The following GRHL3 variants were observed in gnomAD, a reference collection of about 807,000 sequenced individuals.
GRHL3 encodes the protein grainyhead like transcription factor 3.
A neutral mutation model predicts 70.3 loss-of-function variants in GRHL3; 20 were observed. The observed-to-expected ratio is 0.28, with a 90% CI of 0.20 to 0.41. GRHL3 has a LOEUF of 0.41. GRHL3 is among the 10% of genes least tolerant of loss of function. GRHL3 has a pLI of 1.00. For missense variants in GRHL3, 637 were observed against 762.3 expected (o/e 0.84, Z 1.94); for synonymous variants, 299 against 299.9 (o/e 1.00, Z 0.03).
rs1490859889 is a variant in GRHL3 at position 24,322,987 on chromosome 1, G to A, written c.17+3419G>A. ...GGGATCTTAACCGGGTCTTAGCCGA[G>A]CAGCCATAGGCCACCCCGCTTCCTC... On this transcript the variant is annotated intron_variant, in intron 1 of 15. Coordinates refer to ENST00000361548, the MANE Select transcript of GRHL3 (RefSeq NM_198173.3). The surrounding 1 kb of genome is among the most constrained non-coding windows in gnomAD (Gnocchi z 4.4). The A allele has an allele frequency of 9.0e-7, 1 of 1,115,730 alleles. No individual in the cohort carries two copies. Among genetic ancestry groups the A allele is most frequent in the Non-Finnish European group, 1.3e-6 (1 of 757,886 alleles). The allele number at this position is 1,115,730 out of a possible 1,614,324, so 69.1% of individuals were successfully genotyped here.
downstream of GRHL3, among the ~76,000 whole-genome samples, chr1:24,355,847 T>C (rs577372808): frequency 5.3e-5 from 8 of 152,264 alleles, no homozygotes; most frequent in African/African-American, 1.7e-4. Context: ...AAGGCCTTTA[T>C]TTTCCTTAGA....
In GRHL3 at chr1:24,354,218, C is replaced by T. The variant is rs74062167; in HGVS notation, c.1695-156C>T. Among the ~76,000 whole-genome samples, 2,352 of 152,118 alleles carry T rather than the reference C, an allele frequency of 0.015. 75 individuals carry two copies. Among genetic ancestry groups the T allele is most frequent in the African/African-American group, 0.053 (2,193 of 41,460 alleles). On this transcript the variant is annotated intron_variant, in intron 15 of 15. Transcript: ENST00000361548. ...AAAGGAGACTGTGACTCCCTCACCT[C>T]GTGGGGTTGTTGTGAGGATCAGAGG...
chr1:24,325,011 G>A (rs1352498129), intron 1 of GRHL3, among the ~76,000 whole-genome samples: 3 of 152,200 alleles, frequency 2.0e-5, no homozygotes, highest in African/African-American at 7.2e-5. Flanking sequence ...TCGTGCCCAG[G>A]GAACATCGTG....
Position 24,337,753 on chromosome 1 carries a change from T to G in GRHL3, c.804T>G (p.Gly268=). The G allele has an allele frequency of 6.2e-7, 1 of 1,614,206 alleles. No homozygotes were observed. Among genetic ancestry groups the G allele is most frequent in the East Asian group, 2.2e-5 (1 of 44,874 alleles). Residue 268 remains glycine (G), a synonymous_variant, in exon 6 of 16, where the codon GGT becomes GGG. Coordinates refer to ENST00000361548, the MANE Select transcript of GRHL3 (RefSeq NM_198173.3). ...FYPVTLRTPA[G]GKGLALSSNK... ...CCGTCACCCTGCGGACCCCAGCAGG[T>G]GGCAAAGGCCTTGCCTTGTCCTCCA...
chr1:24,339,957 C>T (rs1639974848), intron 8 of GRHL3, among the ~76,000 whole-genome samples, 195 bp downstream of exon 8: 2 of 152,214 alleles, frequency 1.3e-5, no homozygotes, highest in Non-Finnish European at 2.9e-5. Flanking sequence ...ACCCTTCCAC[C>T]TATTGGTCCA....
intron 1 of GRHL3, chr1:24,323,243 G>T (rs1303380069): frequency 1.5e-6 from 1 of 676,810 alleles, no homozygotes; most frequent in African/African-American, 1.8e-5. Context: ...TCAAACTGTG[G>T]TCCGTGGACC....
intron 15 of GRHL3, among the ~76,000 whole-genome samples, chr1:24,353,371 G>A (rs1188807788): frequency 6.6e-6 from 1 of 152,096 alleles, no homozygotes; most frequent in African/African-American, 2.4e-5. Flanking sequence ...ATGACGGCAG[G>A]TGGGCAGGTG....
intron 15 of GRHL3, 107 bp from the exon 16 acceptor site, chr1:24,354,267 T>C (rs1640628428): frequency 1.3e-5 from 9 of 696,736 alleles, no homozygotes; most frequent in Middle Eastern, 4.9e-4. Context: ...GTGCCTAAAA[T>C]GTGGCAGGTA....
chr1:24,355,490 C>T (rs866592503), downstream of GRHL3, among the ~76,000 whole-genome samples: 7 of 152,106 alleles, frequency 4.6e-5, no homozygotes, highest in African/African-American at 1.4e-4. Context: ...AGAGGTGCCC[C>T]CTCTGGAAGG....
At position 24,337,688 on chromosome 1, in the gene GRHL3, G is replaced by A. The variant is rs1399079412; in HGVS notation, c.739G>A (p.Glu247Lys). ...SPKAIHIKSG[E>K]SPMAYLNKGQ... ...CAAAGCCATCCACATCAAGTCAGGC[G>A]AGTCACCCATGGCCTACCTCAACAA... Residue 247 changes from glutamate (E) to lysine (K), a missense_variant, in exon 6 of 16, where the codon GAG (glutamate) becomes AAG (lysine). Glu to Lys is a moderately conservative substitution (Grantham distance 56). Transcript: ENST00000361548. 41 of 1,614,028 alleles carry A rather than the reference G, an allele frequency of 2.5e-5. No individual in the cohort carries two copies. The highest frequency in any genetic ancestry group is 4.4e-5 in the South Asian group (4 of 91,084).
At position 24,319,561 on chromosome 1, in the gene GRHL3, G is replaced by C; in HGVS notation, c.10G>C (p.Glu4Gln). The change falls in exon 1 of 16, where the codon GAA (glutamate) becomes CAA (glutamine). Residue 4 changes from glutamate (E) to glutamine (Q), a missense_variant. Physicochemically the swap from Glu to Gln is conservative, Grantham distance 29. Around this residue, in one of 2 missense-constraint regions of GRHL3, gnomAD observed 250 missense variants for 248.6 expected, o/e 1.01. Coordinates refer to ENST00000361548, the MANE Select transcript of GRHL3 (RefSeq NM_198173.3). MSN[E>Q]LDFRSVRLLK... ...GCTTGGGAGCAGGAAGATGTCGAAT[G>C]AACTTGAGTGAGTAAACATCGGTGG... is the stretch of plus-strand genomic sequence containing the variant. 1.2e-6 allele frequency: 2 copies of C among 1,613,898 alleles called. No homozygotes were observed. Among genetic ancestry groups the C allele is most frequent in the Non-Finnish European group, 1.7e-6 (2 of 1,179,894 alleles).
At chr1:24,319,637 G>A in intron 1 of GRHL3, 69 bp downstream of exon 1, 1 of 1,612,464 alleles carries the variant, frequency 6.2e-7, no homozygotes, top group Non-Finnish European at 8.5e-7. Context: ...CCTGGAGGGG[G>A]AAGAGCGGGG....
In GRHL3 at chr1:24,360,546, T is replaced by C. The variant is rs189881260; in HGVS notation, c.1695-3639T>C. 2.4e-4 allele frequency among the ~76,000 whole-genome samples: 37 copies of C among 152,328 alleles called. No individual in the cohort carries two copies. The East Asian group carries it at 3.1e-3, about 13-fold the overall frequency. On this transcript the variant is annotated intron_variant, in intron 15 of 15. Transcript: ENST00000350501. ...CTCCTTTCCCAGAAAATAATGTCTA[T>C]ATGTGCCAATTCTTCAGCCAACTGC...
chr1:24,350,573 G>A (rs1367732299), intron 15 of GRHL3, among the ~76,000 whole-genome samples: 1 of 152,208 alleles, frequency 6.6e-6, no homozygotes. Flanking sequence ...GGAAACTGAG[G>A]CTCAGAGGTA....
chr1:24,323,143 TTG>T, intron 1 of GRHL3: 2 of 1,421,838 alleles, frequency 1.4e-6, no homozygotes, highest in Non-Finnish European at 1.9e-6. Context: ...TATATATTTG[TTG>T]TATTTTACAA....
In GRHL3 at chr1:24,336,939, G is replaced by A. The variant is rs1639840402; in HGVS notation, c.612+112G>A. ...GGAATCCATGGGGGAAAGCATCCTA[G>A]AGCTGAGACGGGATTGCCATGTACT... On this transcript the variant is annotated intron_variant, in intron 4 of 15. Coordinates refer to ENST00000361548, the MANE Select transcript of GRHL3 (RefSeq NM_198173.3). 4.9e-6 allele frequency: 6 copies of A among 1,217,088 alleles called. No homozygotes were observed. The South Asian group carries it at 8.2e-5, about 17-fold the overall frequency. The allele number at this position is 1,217,088 out of a possible 1,614,324, so 75.4% of individuals were successfully genotyped here.
exon 16 of GRHL3, chr1:24,364,376 C>T (rs1641319034): frequency 6.5e-7 from 1 of 1,534,622 alleles, no homozygotes; most frequent in Non-Finnish European, 8.8e-7. Flanking sequence ...GAATGACACA[C>T]CCACCTGGAG....
intron 3 of GRHL3, among the ~76,000 whole-genome samples, chr1:24,336,199 C>T (rs1302344330): frequency 1.3e-5 from 2 of 151,216 alleles, no homozygotes; most frequent in African/African-American, 4.9e-5. Context: ...TAAAAATAAA[C>T]GATTAAACTT....
rs1350012945 is a variant in GRHL3, at chr1:24,337,998, G to A, written c.847G>A (p.Val283Met). The change falls in exon 7 of 16, where the codon GTG becomes ATG. Residue 283 changes from valine to methionine, a missense_variant. Val to Met is a conservative substitution (Grantham distance 21, BLOSUM62 1). Transcript: ENST00000361548. ...ALSSNKVKSV[V>M]MVVFDNEKVP... ...TGACCAACTGTGCTTGCAGAGTGTG[G>A]TGATGGTTGTCTTCGACAATGAGAA... The A allele has an allele frequency of 6.2e-7, 1 of 1,605,330 alleles. No homozygotes were observed. Among genetic ancestry groups the A allele is most frequent in the Non-Finnish European group, 8.5e-7 (1 of 1,175,522 alleles).
Sources: gnomAD v4.1 joint callset for allele counts (sites outside exome capture counted in the v4.1 genomes callset) on GRCh38, gnomAD v4.1.1 for gene constraint, gnomAD v4.1.1 regional missense constraint, Gnocchi (gnomAD v3.1) non-coding constraint, MANE v1.5 for transcripts, NCBI Gene and HGNC (gene_info 2026-07-23, HGNC 2026-07-21) for gene names.